MMP28: variants seen among roughly 807,000 people sequenced by gnomAD.
MMP28 encodes matrix metallopeptidase 28, also known as matrix metalloproteinase-28.
MMP28 carries 55 observed loss-of-function variants against 60.5 expected under a neutral mutation model. That is an observed-to-expected ratio of 0.91 (90% CI 0.73 to 1.14). The LOEUF (loss-of-function observed/expected upper bound fraction) is 1.14. MMP28 is among the 50% of genes most tolerant of loss of function. The pLI is 0.00. For missense variants in MMP28, 686 were observed against 738.3 expected, an observed-to-expected ratio of 0.93 and a Z score of 0.82; for synonymous variants, 318 against 312.5, an observed-to-expected ratio of 1.02 and a Z score of -0.18.
At chr17:35,777,782 C>G (rs1035877110) in intron 3 of MMP28, among the ~76,000 whole-genome samples, 6 of 152,280 alleles carry the variant, frequency 3.9e-5, no homozygotes, top group African/African-American at 1.4e-4. Flanking sequence ...GGTGCGGTGG[C>G]TCACGCCTAC....
intron 2 of MMP28, among the ~76,000 whole-genome samples, chr17:35,759,789 C>T (rs143598446): frequency 2.6e-5 from 4 of 151,408 alleles, no homozygotes; most frequent in Non-Finnish European, 2.9e-5. Context: ...CCGGTATCCA[C>T]TGGCACTCAT....
At chr17:35,777,889 G>A (rs747354222) in intron 3 of MMP28, among the ~76,000 whole-genome samples, 16 of 152,206 alleles carry the variant, frequency 1.1e-4, no homozygotes, top group African/African-American at 2.9e-4. Flanking sequence ...TTAGCTGGGC[G>A]TGGTGGCATG....
intron 2 of MMP28, 77 bp from the exon 3 acceptor site, chr17:35,779,152 A>G (rs2143436507): frequency 6.4e-7 from 1 of 1,572,462 alleles, no homozygotes; most frequent in Non-Finnish European, 8.7e-7. Flanking sequence ...CCTGGGGTGT[A>G]GCCAGCCAGG....
chr17:35,771,759 T>G (rs2086163429), intron 4 of MMP28, among the ~76,000 whole-genome samples: 1 of 100,480 alleles, frequency 1.0e-5, no homozygotes, highest in Admixed American at 1.2e-4. Flanking sequence ...ATATATAAAA[T>G]TGTGTTCTTG....
intron 1 of MMP28, among the ~76,000 whole-genome samples, chr17:35,780,615 A>T (rs2086469965): frequency 6.6e-6 from 1 of 151,962 alleles, no homozygotes; most frequent in African/African-American, 2.4e-5. Context: ...TGGGCACATC[A>T]CCTGAGGTCA....
In MMP28 at chr17:35,777,359, G is replaced by A. The variant is rs182358242; in HGVS notation, c.379+1529C>T. Among the ~76,000 whole-genome samples, 33 of 152,284 alleles carry A rather than the reference G, an allele frequency of 2.2e-4. No homozygotes were observed. The East Asian group carries it at 5.0e-3, about 23-fold the overall frequency. ...TTGACACCAAGGGCATCCTGACTCC[G>A]GAGCCGGACCCCATTGCTGACTCCT... On this transcript the variant is annotated intron_variant, in intron 3 of 7. Coordinates refer to ENST00000605424, the MANE Select transcript of MMP28 (RefSeq NM_024302.5).
chr17:35,793,960 T>C (rs1460092298), intron 1 of MMP28, among the ~76,000 whole-genome samples: 1 of 152,028 alleles, frequency 6.6e-6, no homozygotes, highest in Non-Finnish European at 1.5e-5. Context: ...TAGCCTGGCA[T>C]GATCGTGCAT....
chr17:35,770,101 G>A lies in MMP28; in HGVS notation c.816C>T (p.Ser272=). The A allele has an allele frequency of 1.9e-6, 3 of 1,601,216 alleles. No homozygotes were observed. The stretch of plus-strand genomic sequence containing the variant: ...TCTGCACGGCCAGCACGTCGTCCCA[G>A]CTGAGCAGCGCGTCGCGGCCCAGCC... ...YKRLGRDALL[S]WDDVLAVQSL... The change falls in exon 5 of 8, where the codon AGC becomes AGT. Residue 272 remains serine, a synonymous_variant. Coordinates refer to ENST00000605424, the MANE Select transcript of MMP28 (RefSeq NM_024302.5).
chr17:35,778,499 A>G (rs937154416), intron 3 of MMP28: 7 of 304,614 alleles, frequency 2.3e-5, no homozygotes, highest in Admixed American at 9.6e-5. Flanking sequence ...CTATGGACAA[A>G]GTAAATCAAT....
At chr17:35,767,661 G>C in intron 7 of MMP28, 91 bp downstream of exon 7, 1 of 1,445,408 alleles carries the variant, frequency 6.9e-7, no homozygotes, top group Non-Finnish European at 9.3e-7. Flanking sequence ...ACTCGTGTGA[G>C]AGTCTTCCCC....
At chr17:35,773,927 T>A (rs2086247839) in intron 3 of MMP28, among the ~76,000 whole-genome samples, 1 of 152,050 alleles carries the variant, frequency 6.6e-6, no homozygotes, top group Non-Finnish European at 1.5e-5. Flanking sequence ...CTCTAGACAC[T>A]TCACTCTGCC....
At chr17:35,773,566 C>T (rs779382250) in intron 3 of MMP28, among the ~76,000 whole-genome samples, 162 bp from the exon 4 acceptor site, 3 of 152,152 alleles carry the variant, frequency 2.0e-5, no homozygotes, top group Non-Finnish European at 2.9e-5. Context: ...TTGACTGGGG[C>T]GATACTGCCT....
intron 7 of MMP28, 133 bp from the exon 8 acceptor site, chr17:35,767,027 C>T (rs1276601589): frequency 2.0e-5 from 17 of 832,816 alleles, no homozygotes; most frequent in Middle Eastern, 2.1e-4. Context: ...ATCAATCAAA[C>T]GGATTGCACT....
chr17:35,756,280 T>TAGAGAC (rs1219208573), exon 3 of MMP28: 2 of 432,274 alleles, frequency 4.6e-6, no homozygotes, highest in Non-Finnish European at 6.1e-6. Context: ...TTCCCTCTCT[T>TAGAGAC]AGAGACAGAT....
Position 35,770,118 on chromosome 17 carries a change from G to A in MMP28, c.799C>T (p.Arg267Cys), listed in dbSNP as rs1555604866. Residue 267 changes from arginine to cysteine, a missense_variant, in exon 5 of 8, where the codon CGC becomes TGC. Coordinates refer to ENST00000605424, the MANE Select transcript of MMP28 (RefSeq NM_024302.5). The part of the protein sequence containing the change: ...LMAPYYKRLG[R>C]DALLSWDDVL... ...TCGTCCCAGCTGAGCAGCGCGTCGC[G>A]GCCCAGCCTCTTGTAGTAGGGCGCC... is the stretch of plus-strand genomic sequence containing the variant. 1.2e-6 allele frequency: 2 copies of A among 1,605,662 alleles called. No homozygotes were observed. Among genetic ancestry groups the A allele is most frequent in the Admixed American group, 3.4e-5 (2 of 59,046 alleles).
chr17:35,756,903 T>A (rs1450346689), intron 2 of MMP28, among the ~76,000 whole-genome samples: 1 of 151,994 alleles, frequency 6.6e-6, no homozygotes, highest in African/African-American at 2.4e-5. Context: ...CTTGAGCATG[T>A]TTAAAAAGAC....
rs71366482 is a variant in MMP28, at chr17:35,771,696, A to AATAT, written c.605-1388_605-1385dup. Among the ~76,000 whole-genome samples, 85 of 50,536 alleles carry AATAT rather than the reference A, an allele frequency of 1.7e-3. 2 individuals are homozygous for AATAT. Among genetic ancestry groups the AATAT allele is most frequent in the Non-Finnish European group, 2.2e-3 (58 of 25,882 alleles). 33.2% of individuals were successfully genotyped at this position (50,536 alleles called of 152,430 possible). A position where few individuals can be genotyped will look rare whatever the true frequency, so the allele number is the denominator to read the frequency against. ...GAAAATATACATACATATAGAAGTGAATATATATATATATATATATATATA... is the reference window on the plus strand; with the variant it reads ...GAAAATATACATACATATAGAAGTGAATATATATATATATATATATATATATATA... On this transcript the variant is annotated intron_variant, in intron 4 of 7. Transcript: ENST00000605424.
intron 3 of MMP28, among the ~76,000 whole-genome samples, chr17:35,775,131 A>T (rs934095886): frequency 6.6e-6 from 1 of 151,972 alleles, no homozygotes; most frequent in African/African-American, 2.4e-5. Flanking sequence ...GGAAACTCTG[A>T]GTATGTGCAT....
chr17:35,756,764 G>A (rs587699801), intron 2 of MMP28, among the ~76,000 whole-genome samples: 50 of 151,276 alleles, frequency 3.3e-4, no homozygotes, highest in African/African-American at 6.5e-4. Context: ...CACTGCGCCC[G>A]GCCTATCTTT....
Sources: gnomAD v4.1 joint callset for allele counts (sites outside exome capture counted in the v4.1 genomes callset) on GRCh38, gnomAD v4.1.1 for gene constraint, MANE v1.5 for transcripts, NCBI Gene and HGNC (gene_info 2026-07-23, HGNC 2026-07-21) for gene names.